ERC1: variants seen among roughly 807,000 people sequenced by gnomAD.
ERC1 encodes RAB6 interacting protein 2.
Under a neutral mutation model 132.0 loss-of-function variants are expected in ERC1, and 56 were observed. That is an observed-to-expected ratio of 0.42 (90% CI 0.34 to 0.53). ERC1 has a LOEUF of 0.53. ERC1 is among the 20% of genes least tolerant of loss of function. The probability of loss-of-function intolerance (pLI) is 0.03; values close to 1 mark genes in which losing one functional copy is unlikely to be tolerated. For missense variants in ERC1, 1,202 were observed against 1,349.9 expected (o/e 0.89, Z 1.72); for synonymous variants, 478 against 476.1 (o/e 1.00, Z -0.05).
intron 15 of ERC1, among the ~76,000 whole-genome samples, chr12:1,357,139 T>C (rs2085621989): frequency 6.6e-6 from 1 of 152,200 alleles, no homozygotes; most frequent in South Asian, 2.1e-4. Context: ...CCTACTTTTT[T>C]TGTAAGTGTA....
At chr12:1,076,469 A>G (rs1162712490) in intron 2 of ERC1, among the ~76,000 whole-genome samples, 2 of 147,958 alleles carry the variant, frequency 1.4e-5, no homozygotes, top group Non-Finnish European at 3.0e-5. Flanking sequence ...ATCTCAGCTC[A>G]CTGCAACCTC....
intron 8 of ERC1, among the ~76,000 whole-genome samples, chr12:1,175,177 C>G (rs905549929): frequency 2.6e-5 from 4 of 152,120 alleles, no homozygotes; most frequent in African/African-American, 9.7e-5. Context: ...TGGCTGCTGA[C>G]TGATCAGGGT....
intron 15 of ERC1, among the ~76,000 whole-genome samples, chr12:1,302,706 G>A (rs536911099): frequency 7.9e-5 from 12 of 152,210 alleles, no homozygotes; most frequent in Middle Eastern, 3.4e-3. Context: ...AATGGGTCAC[G>A]CCTGTAATCC....
rs1489476709 is a variant in ERC1, at chr12:1,356,212, A to AGTG, written c.2781-15621_2781-15620insGTG. ...AAGTGAGACTGTCAAAAAAAAAAAA[A>AGTG]AGTGTGTGTGTGTGTGTGTGTGTGT... On this transcript the variant is annotated intron_variant, in intron 15 of 18. Coordinates refer to ENST00000360905, the MANE Select transcript of ERC1 (RefSeq NM_178040.4). 4.8e-3 allele frequency among the ~76,000 whole-genome samples: 567 copies of AGTG among 119,060 alleles called. 7 individuals are homozygous for AGTG. The highest frequency in any genetic ancestry group is 0.015 in the African/African-American group (459 of 30,184). 78.1% of individuals were successfully genotyped at this position (119,060 alleles called of 152,430 possible). A position where few individuals can be genotyped will look rare whatever the true frequency, so the allele number is the denominator to read the frequency against.
intron 12 of ERC1, 132 bp downstream of exon 12, chr12:1,190,184 C>T: frequency 1.2e-6 from 1 of 868,160 alleles, no homozygotes; most frequent in African/African-American, 1.6e-5. Flanking sequence ...ACTGTATTAG[C>T]TGCCTTTTTT....
At chr12:1,346,502 ATTACC>A (rs984050352) in intron 15 of ERC1, among the ~76,000 whole-genome samples, 2 of 152,184 alleles carry the variant, frequency 1.3e-5, no homozygotes, top group Non-Finnish European at 2.9e-5. Context: ...TGTTGATTTT[ATTACC>A]TGCAGCCCAA....
intron 17 of ERC1, among the ~76,000 whole-genome samples, chr12:1,436,318 G>A (rs561110602): frequency 8.0e-4 from 122 of 152,294 alleles, no homozygotes; most frequent in Admixed American, 1.4e-3. Context: ...AGTCATACTT[G>A]GCTCTTTTTT....
At chr12:1,219,614 G>A (rs1958770658) in intron 12 of ERC1, among the ~76,000 whole-genome samples, 1 of 149,014 alleles carries the variant, frequency 6.7e-6, no homozygotes, top group African/African-American at 2.5e-5. Context: ...TCCCATCTCT[G>A]TAGCAATCAG....
Position 1,366,606 on chromosome 12 carries a change from A to T in ERC1, c.2781-5227A>T, listed in dbSNP as rs151312980. On this transcript the variant is annotated intron_variant, in intron 15 of 18. Coordinates refer to ENST00000360905, the MANE Select transcript of ERC1 (RefSeq NM_178040.4). ...TTGTAGGTGATCCTGAATATTAGGC[A>T]AAAATATTTGCTATGGCAAGAGACC... Among the ~76,000 whole-genome samples, 758 of 152,322 alleles carry T rather than the reference A, an allele frequency of 5.0e-3. 4 individuals are homozygous for T. The highest frequency in any genetic ancestry group is 0.016 in the African/African-American group (682 of 41,582).
intron 16 of ERC1, among the ~76,000 whole-genome samples, chr12:1,383,640 A>G (rs574410200): frequency 6.6e-6 from 1 of 152,322 alleles, no homozygotes; most frequent in East Asian, 1.9e-4. Flanking sequence ...TCACACACAC[A>G]CAAAAAAAGC....
At chr12:1,041,063 A>C (rs1970125013) in intron 2 of ERC1, among the ~76,000 whole-genome samples, 3 of 152,306 alleles carry the variant, frequency 2.0e-5, no homozygotes, top group Admixed American at 2.0e-4. Flanking sequence ...GCTTTTGTTT[A>C]TGTAGGTTAT....
At chr12:1,310,045 T>A (rs1204493019) in intron 15 of ERC1, among the ~76,000 whole-genome samples, 1 of 151,930 alleles carries the variant, frequency 6.6e-6, no homozygotes, top group Non-Finnish European at 1.5e-5. Flanking sequence ...CCTCCCGGGT[T>A]CACGCCATTC....
At chr12:1,425,226 A>G (rs956560521) in intron 17 of ERC1, among the ~76,000 whole-genome samples, 1 of 152,192 alleles carries the variant, frequency 6.6e-6, no homozygotes, top group Admixed American at 6.5e-5. Context: ...TAATTTTAGT[A>G]GGCACTTATG....
intron 2 of ERC1, among the ~76,000 whole-genome samples, chr12:1,046,208 A>G (rs1283111298): frequency 1.3e-5 from 2 of 152,234 alleles, no homozygotes; most frequent in African/African-American, 4.8e-5. Flanking sequence ...GGAATTGTGC[A>G]TCATTCCACA....
At chr12:1,243,765 A>G (rs1329255431) in intron 13 of ERC1, among the ~76,000 whole-genome samples, 1 of 152,188 alleles carries the variant, frequency 6.6e-6, no homozygotes, top group Non-Finnish European at 1.5e-5. Context: ...TTCTCCGGAT[A>G]GCCCCCACGG....
intron 3 of ERC1, among the ~76,000 whole-genome samples, chr12:1,093,478 C>T (rs908077697): frequency 3.3e-5 from 5 of 152,100 alleles, no homozygotes; most frequent in African/African-American, 1.2e-4. Context: ...CAGAGGATAC[C>T]TAAGTTGGCT....
intron 2 of ERC1, among the ~76,000 whole-genome samples, chr12:1,041,842 G>A (rs1430199034): frequency 1.3e-5 from 2 of 152,186 alleles, no homozygotes; most frequent in Non-Finnish European, 2.9e-5. Flanking sequence ...GAGGTTCTTT[G>A]GGTGGGCTGT....
chr12:1,174,865 TG>T lies in ERC1; in HGVS notation c.1738-5673del, dbSNP rs199893899. Among the ~76,000 whole-genome samples the T allele has an allele frequency of 5.9e-3, 899 of 152,312 alleles. 13 individuals are homozygous for T. Among genetic ancestry groups the T allele is most frequent in the African/African-American group, 0.021 (867 of 41,570 alleles). ...TAGCAACTGGAATGACCTGCACAGC[TG>T]GTTAAACATGTAAACACCAAGGCAT... is the stretch of plus-strand genomic sequence containing the variant. On this transcript the variant is annotated intron_variant, in intron 8 of 18. Coordinates refer to ENST00000360905, the MANE Select transcript of ERC1 (RefSeq NM_178040.4).
intron 3 of ERC1, among the ~76,000 whole-genome samples, chr12:1,094,428 G>GCAACA (rs1469072036): frequency 7.2e-6 from 1 of 139,352 alleles, no homozygotes. Context: ...TTTTTTTTTT[G>GCAACA]GCAACAGAGT....
Sources: allele counts gnomAD v4.1 joint callset (sites outside exome capture counted in the v4.1 genomes callset), GRCh38; gene constraint gnomAD v4.1.1; transcripts MANE v1.5; gene names NCBI Gene and HGNC (gene_info 2026-07-23, HGNC 2026-07-21).